Variants in CTNNA3 observed in about 807,000 individuals in gnomAD.
CTNNA3 encodes the protein catenin alpha 3, also known as catenin alpha-3.
CTNNA3 carries 76 observed loss-of-function variants against 95.7 expected under a neutral mutation model. The observed-to-expected ratio is 0.79, with a 90% CI of 0.66 to 0.96. The LOEUF is 0.96. Ranked by LOEUF, CTNNA3 falls within the 40% of genes least tolerant of loss-of-function variation. CTNNA3 has a pLI of 0.00. For synonymous variants in CTNNA3, 431 were observed against 374.4 expected, an observed-to-expected ratio of 1.15 and a Z score of -1.74; for missense variants, 1,191 against 1,089.8, an observed-to-expected ratio of 1.09 and a Z score of -1.31.
chr10:66,766,402 A>G lies in CTNNA3; in HGVS notation c.1143T>C (p.Ile381=), dbSNP rs1320761466. 8 of 1,612,872 alleles carry G rather than the reference A, an allele frequency of 5.0e-6. No homozygotes were observed. Among genetic ancestry groups the G allele is most frequent in the East Asian group, 4.5e-5 (2 of 44,846 alleles). The change falls in exon 9 of 18, where the codon ATT becomes ATC. Residue 381 remains isoleucine, a synonymous_variant. Transcript: ENST00000433211. ...RDLRRQLRKA[I]IDHVSDSFLD... is the part of the protein sequence containing the mutation. ...GGAAAGAGTCTGACACATGATCTAT[A>G]ATAGCCTTGCGGAGCTGAGAAGAAA...
At chr10:66,689,070 CTGTG>C (rs1847414401) in intron 9 of CTNNA3, among the ~76,000 whole-genome samples, 1 of 149,086 alleles carries the variant, frequency 6.7e-6, no homozygotes, top group African/African-American at 2.5e-5. Context: ...TTGAAATCTC[CTGTG>C]TGTGTATGTG....
At chr10:66,324,157 T>A (rs1160124058) in intron 12 of CTNNA3, among the ~76,000 whole-genome samples, 1 of 151,666 alleles carries the variant, frequency 6.6e-6, no homozygotes. Flanking sequence ...TCATCTCTAC[T>A]AAAAATACAA....
At chr10:65,930,522 A>G (rs912597942) in intron 17 of CTNNA3, among the ~76,000 whole-genome samples, 1 of 152,214 alleles carries the variant, frequency 6.6e-6, no homozygotes, top group Admixed American at 6.5e-5. Context: ...TGAGAGTAAA[A>G]GTAACCATGA....
At chr10:67,157,578 A>T (rs903792447) in intron 7 of CTNNA3, among the ~76,000 whole-genome samples, 4 of 152,062 alleles carry the variant, frequency 2.6e-5, no homozygotes, top group African/African-American at 7.2e-5. Flanking sequence ...AGGTTTGTAA[A>T]CTCTCTCCGG....
intron 11 of CTNNA3, among the ~76,000 whole-genome samples, chr10:66,426,089 C>A (rs941318065): frequency 6.6e-6 from 1 of 152,008 alleles, no homozygotes; most frequent in East Asian, 1.9e-4. Context: ...TTGTAGTATT[C>A]CACTGTGTAA....
At chr10:67,132,614 A>T (rs553225494) in intron 7 of CTNNA3, among the ~76,000 whole-genome samples, 12 of 152,194 alleles carry the variant, frequency 7.9e-5, no homozygotes, top group Admixed American at 2.6e-4. Context: ...GTTTGAGAGA[A>T]ATGGAAAAGA....
chr10:66,694,135 G>C (rs564818574), intron 9 of CTNNA3, among the ~76,000 whole-genome samples: 9 of 152,098 alleles, frequency 5.9e-5, no homozygotes, highest in African/African-American at 1.4e-4. Flanking sequence ...AGGAAATAGA[G>C]ACACAAAGTA....
At chr10:66,105,155 T>A (rs578145513) in intron 13 of CTNNA3, among the ~76,000 whole-genome samples, 1 of 152,314 alleles carries the variant, frequency 6.6e-6, no homozygotes, top group African/African-American at 2.4e-5. Flanking sequence ...TCCGTGTTGA[T>A]CTCTTTGCAA....
intron 15 of CTNNA3, among the ~76,000 whole-genome samples, chr10:65,993,507 G>A (rs1292644250): frequency 6.6e-6 from 1 of 151,950 alleles, no homozygotes; most frequent in Non-Finnish European, 1.5e-5. Flanking sequence ...GACCTTCATT[G>A]TCTCTTTTTT....
chr10:66,812,126 T>G, intron 7 of CTNNA3, among the ~76,000 whole-genome samples: 1 of 152,108 alleles, frequency 6.6e-6, no homozygotes, highest in Admixed American at 6.6e-5. Flanking sequence ...AATTCTCTCC[T>G]TACTAAAATA....
At position 66,621,695 on chromosome 10, in the gene CTNNA3, T is replaced by C. The variant is rs1310255840; in HGVS notation, c.1371A>G (p.Pro457=). Residue 457 remains proline (P), a synonymous_variant, in exon 10 of 18, where the codon CCA becomes CCG. Coordinates refer to ENST00000433211, the MANE Select transcript of CTNNA3 (RefSeq NM_013266.4). ...IAANHLETLC[P]QIINAALALA... ...AAAAGTAACTTAGTTGTCATACCTG[T>C]GGACACAAGGTTTCCAAATGATTGG... 6.3e-7 allele frequency: 1 copy of C among 1,589,616 alleles called. No homozygotes were observed. Among genetic ancestry groups the C allele is most frequent in the South Asian group, 1.1e-5 (1 of 89,460 alleles).
At chr10:66,656,368 T>C (rs1233644868) in intron 9 of CTNNA3, among the ~76,000 whole-genome samples, 1 of 152,106 alleles carries the variant, frequency 6.6e-6, no homozygotes, top group Non-Finnish European at 1.5e-5. Context: ...CTAAAACTAA[T>C]ATGCAGAAGC....
At chr10:67,293,190 A>G (rs1839904462) in intron 5 of CTNNA3, among the ~76,000 whole-genome samples, 1 of 152,134 alleles carries the variant, frequency 6.6e-6, no homozygotes, top group African/African-American at 2.4e-5. Flanking sequence ...TTATAAGTAG[A>G]TTAGACTTTT....
intron 15 of CTNNA3, among the ~76,000 whole-genome samples, chr10:66,043,956 CTGTGTGTG>C (rs59559225): frequency 0.067 from 9,614 of 144,436 alleles, 396 homozygotes; most frequent in Middle Eastern, 0.12. Flanking sequence ...TAGGACTATG[CTGTGTGTG>C]TGTGTGTGTG....
intron 5 of CTNNA3, among the ~76,000 whole-genome samples, chr10:67,257,067 G>A (rs1485774785): frequency 6.6e-6 from 1 of 152,114 alleles, no homozygotes; most frequent in African/African-American, 2.4e-5. Context: ...CTATAAACAT[G>A]TTTATAATTT....
At position 65,914,836 on chromosome 10, in the gene CTNNA3, C is replaced by G. The variant is rs1589124457; in HGVS notation, c.*5494G>C. On this transcript the variant is annotated 3_prime_UTR_variant, in exon 18 of 18. Coordinates refer to ENST00000433211, the MANE Select transcript of CTNNA3 (RefSeq NM_013266.4). ...TCCCATGTACCTGACACTCTACATT[C>G]AGTTAATAGAGGTGAGAATATTCAG... The G allele has an allele frequency of 6.6e-6, 1 of 152,086 alleles. No homozygotes were observed. 9.4% of individuals were successfully genotyped at this position (152,086 alleles called of 1,614,324 possible).
intron 17 of CTNNA3, among the ~76,000 whole-genome samples, chr10:65,928,609 T>C (rs1009048406): frequency 4.6e-5 from 7 of 152,222 alleles, no homozygotes; most frequent in Non-Finnish European, 7.3e-5. Flanking sequence ...AATTATTAAG[T>C]GCAGAAACCA....
chr10:66,102,967 C>T (rs1225596385), intron 14 of CTNNA3, among the ~76,000 whole-genome samples, 190 bp downstream of exon 14: 1 of 152,126 alleles, frequency 6.6e-6, no homozygotes, highest in Non-Finnish European at 1.5e-5. Context: ...TTACTGTGAG[C>T]TCTCAAGATA....
chr10:67,582,763 T>G lies in CTNNA3; in HGVS notation c.292+24094A>C, dbSNP rs1842453918. On this transcript the variant is annotated intron_variant, in intron 3 of 17. Transcript: ENST00000433211. ...GCCTCCTGTATTTGGTGCATGTATATTTAGGATAGTTAGCTCTTCTTGTTG... is the reference window on the plus strand; with the variant it reads ...GCCTCCTGTATTTGGTGCATGTATAGTTAGGATAGTTAGCTCTTCTTGTTG... Among the ~76,000 whole-genome samples, 5 of 152,280 alleles carry G rather than the reference T, an allele frequency of 3.3e-5. 1 individual carries two copies. In the South Asian group the frequency reaches 1.0e-3, roughly 32 times the overall value.
Sources: allele counts gnomAD v4.1 joint callset (sites outside exome capture counted in the v4.1 genomes callset), GRCh38; gene constraint gnomAD v4.1.1; transcripts MANE v1.5; gene names NCBI Gene and HGNC (gene_info 2026-07-23, HGNC 2026-07-21).